KCNK13: variants seen among roughly 807,000 people sequenced by gnomAD.
KCNK13 encodes the protein potassium two pore domain channel subfamily K member 13.
Under a neutral mutation model 23.4 loss-of-function variants are expected in KCNK13, and 12 were observed. That is an observed-to-expected ratio of 0.51 (90% CI 0.33 to 0.83). KCNK13 has a LOEUF of 0.83. Ranked by LOEUF, KCNK13 falls within the 40% of genes least tolerant of loss-of-function variation. The pLI is 0.02. For missense variants in KCNK13, 463 were observed against 556.3 expected (o/e 0.83, Z 1.69); for synonymous variants, 231 against 229.5 (o/e 1.01, Z -0.06).
chr14:90,133,577 T>C (rs1424980766), intron 1 of KCNK13, among the ~76,000 whole-genome samples: 1 of 145,196 alleles, frequency 6.9e-6, no homozygotes, highest in East Asian at 2.1e-4. Flanking sequence ...CAAATCTTAT[T>C]TAGAACAAAA....
At chr14:90,166,007 G>C (rs1890298127) in intron 1 of KCNK13, among the ~76,000 whole-genome samples, 1 of 152,188 alleles carries the variant, frequency 6.6e-6, no homozygotes, top group South Asian at 2.1e-4. Context: ...TAATGCAGAT[G>C]ATTTAAAGAG....
At chr14:90,132,621 T>A (rs1889888651) in intron 1 of KCNK13, among the ~76,000 whole-genome samples, 1 of 152,082 alleles carries the variant, frequency 6.6e-6, no homozygotes, top group Non-Finnish European at 1.5e-5. Flanking sequence ...AGGGAATTAT[T>A]TAGTGGGCCT....
At chr14:90,176,455 G>A (rs952614576) in intron 1 of KCNK13, among the ~76,000 whole-genome samples, 30 of 152,020 alleles carry the variant, frequency 2.0e-4, no homozygotes, top group Admixed American at 1.3e-4. Context: ...ATCCACAGGA[G>A]TCTGTTCTTG....
chr14:90,150,121 GT>G lies in KCNK13; in HGVS notation c.335-33987del, dbSNP rs756726578. 1.1e-4 allele frequency among the ~76,000 whole-genome samples: 17 copies of G among 152,270 alleles called. No individual in the cohort carries two copies. In the East Asian group the frequency reaches 1.9e-3, roughly 17 times the overall value. ...TTCAGAGATTTCGTGGAATTGTAATGTTTAAACTGACTTGAAGTACGCTGTA... is the reference window on the plus strand; with the variant it reads ...TTCAGAGATTTCGTGGAATTGTAATGTTAAACTGACTTGAAGTACGCTGTA... On this transcript the variant is annotated intron_variant, in intron 1 of 1. Transcript: ENST00000282146.
At chr14:90,085,191 A>G (rs1889257493) in intron 1 of KCNK13, among the ~76,000 whole-genome samples, 1 of 151,804 alleles carries the variant, frequency 6.6e-6, no homozygotes, top group East Asian at 2.0e-4. Flanking sequence ...CAATCCACCC[A>G]CTTTGGCCTC....
intron 1 of KCNK13, among the ~76,000 whole-genome samples, chr14:90,082,847 TTCTTTA>T (rs1889229606): frequency 6.6e-6 from 1 of 152,240 alleles, no homozygotes; most frequent in Non-Finnish European, 1.5e-5. Context: ...AGTAACCCTA[TTCTTTA>T]TCTTTGGACA....
intron 1 of KCNK13, among the ~76,000 whole-genome samples, chr14:90,079,394 G>A (rs145033408): frequency 1.3e-5 from 2 of 152,038 alleles, no homozygotes; most frequent in East Asian, 1.9e-4. Context: ...ATTTTATGGA[G>A]CATAAATTAC....
intron 1 of KCNK13, among the ~76,000 whole-genome samples, chr14:90,131,869 T>A (rs994288831): frequency 6.6e-6 from 1 of 152,162 alleles, no homozygotes; most frequent in Non-Finnish European, 1.5e-5. Flanking sequence ...CAGAAAACAG[T>A]ATGGTGGGTG....
intron 1 of KCNK13, among the ~76,000 whole-genome samples, chr14:90,181,029 G>C (rs758001749): frequency 2.6e-5 from 4 of 152,108 alleles, no homozygotes; most frequent in Non-Finnish European, 4.4e-5. Flanking sequence ...GCTAATTTTT[G>C]TATTTTTAGT....
chr14:90,184,566 T>A lies in KCNK13; in HGVS notation c.790T>A (p.Phe264Ile). The part of the protein sequence containing the change: ...QGLYRFANFV[F>I]ILMGVCCIYS... ...CCTCTATCGCTTTGCCAACTTCGTC[T>A]TCATCCTCATGGGTGTCTGCTGCAT... Residue 264 changes from phenylalanine (F) to isoleucine (I), a missense_variant, in exon 2 of 2, where the codon TTC (phenylalanine) becomes ATC (isoleucine). By Grantham distance (21) the Phe-to-Ile change is conservative. Around this residue, in one of 3 missense-constraint regions of KCNK13, gnomAD observed 144 missense variants for 224.0 expected, o/e 0.64. Transcript: ENST00000282146. The surrounding 1 kb of genome is among the most constrained non-coding windows in gnomAD (Gnocchi z 5.6). The A allele has an allele frequency of 6.2e-7, 1 of 1,614,270 alleles. No homozygotes were observed. Among genetic ancestry groups the A allele is most frequent in the Non-Finnish European group, 8.5e-7 (1 of 1,180,044 alleles).
chr14:90,179,369 T>C (rs932002299), intron 1 of KCNK13, among the ~76,000 whole-genome samples: 3 of 152,134 alleles, frequency 2.0e-5, no homozygotes, highest in African/African-American at 7.2e-5. Context: ...AATACGTAGT[T>C]GACAGCATAT....
intron 1 of KCNK13, among the ~76,000 whole-genome samples, chr14:90,112,184 G>A (rs1163663547): frequency 7.9e-5 from 12 of 152,164 alleles, no homozygotes; most frequent in East Asian, 1.9e-4. Flanking sequence ...ACCGTCCTGC[G>A]TATCTCTAGC....
chr14:90,122,433 T>G lies in KCNK13; in HGVS notation c.334+59894T>G, dbSNP rs565929502. Among the ~76,000 whole-genome samples, 238 of 152,004 alleles carry G rather than the reference T, an allele frequency of 1.6e-3. 1 individual carries two copies. Among genetic ancestry groups the G allele is most frequent in the Middle Eastern group, 6.8e-3 (2 of 292 alleles). ...CCTGGGTTCAAGCGATTCTCCTGCC[T>G]CAGCCTCAGCCTCAGGCTGAGAATT... is the stretch of plus-strand genomic sequence containing the variant. On this transcript the variant is annotated intron_variant, in intron 1 of 1. Transcript: ENST00000282146.
chr14:90,087,951 G>A (rs1387401717), intron 1 of KCNK13, among the ~76,000 whole-genome samples: 1 of 152,082 alleles, frequency 6.6e-6, no homozygotes, highest in East Asian at 1.9e-4. Context: ...ATATAATATT[G>A]CTTCTTGGTG....
At chr14:90,167,513 A>G (rs1890316795) in intron 1 of KCNK13, among the ~76,000 whole-genome samples, 1 of 152,178 alleles carries the variant, frequency 6.6e-6, no homozygotes, top group African/African-American at 2.4e-5. Flanking sequence ...AAATGCAGGG[A>G]ACTGGATTCA....
intron 1 of KCNK13, among the ~76,000 whole-genome samples, chr14:90,161,170 C>T (rs922937630): frequency 1.3e-5 from 2 of 152,134 alleles, no homozygotes; most frequent in African/African-American, 4.8e-5. Context: ...TTGACAACAT[C>T]ATGCTAAATG....
At chr14:90,142,587 G>A (rs28897389) in intron 1 of KCNK13, among the ~76,000 whole-genome samples, 4,472 of 152,170 alleles carry the variant, frequency 0.029, 207 homozygotes, top group African/African-American at 0.099. Flanking sequence ...CAAAGTGCTG[G>A]GATTACAGGC....
chr14:90,114,277 T>C (rs887226921), intron 1 of KCNK13, among the ~76,000 whole-genome samples: 29 of 152,324 alleles, frequency 1.9e-4, no homozygotes, highest in Middle Eastern at 3.4e-3. Context: ...GACAGCTTCC[T>C]GTTGTTTCTC....
chr14:90,169,581 A>G (rs1890341611), intron 1 of KCNK13, among the ~76,000 whole-genome samples: 1 of 152,186 alleles, frequency 6.6e-6, no homozygotes, highest in Non-Finnish European at 1.5e-5. Context: ...TGCCCCTCAT[A>G]TGGTAAACGT....
Sources: gnomAD v4.1 joint callset for allele counts (sites outside exome capture counted in the v4.1 genomes callset) on GRCh38, gnomAD v4.1.1 for gene constraint, gnomAD v4.1.1 regional missense constraint, Gnocchi (gnomAD v3.1) non-coding constraint, MANE v1.5 for transcripts, NCBI Gene and HGNC (gene_info 2026-07-23, HGNC 2026-07-21) for gene names.